TNKS2: variants seen among roughly 807,000 people sequenced by gnomAD.
TNKS2 encodes tankyrase 2, also known as poly [ADP-ribose] polymerase tankyrase-2.
Under a neutral mutation model 137.6 loss-of-function variants are expected in TNKS2, and 72 were observed. The ratio of observed to expected loss-of-function variants is 0.52; its 90% CI spans 0.43 to 0.64. The LOEUF is 0.64. Ranked by LOEUF, TNKS2 falls within the 30% of genes least tolerant of loss-of-function variation. TNKS2 has a pLI of 0.00. For synonymous variants in TNKS2, 516 were observed against 512.1 expected, an observed-to-expected ratio of 1.01 and a Z score of -0.10; for missense variants, 1,049 against 1,410.2, an observed-to-expected ratio of 0.74 and a Z score of 4.10.
intron 1 of TNKS2, among the ~76,000 whole-genome samples, chr10:91,805,350 A>G (rs1844293518): frequency 6.6e-6 from 1 of 152,228 alleles, no homozygotes. Context: ...TGATACAGAC[A>G]TTGACACAGA....
Position 91,820,028 on chromosome 10 carries a change from TA to T in TNKS2, c.726del (p.Gly243ValfsTer17). 1 of 1,578,780 alleles carries T rather than the reference TA, an allele frequency of 6.3e-7. No homozygotes were observed. Among genetic ancestry groups the T allele is most frequent in the Admixed American group, 1.8e-5 (1 of 55,340 alleles). The stretch of plus-strand genomic sequence containing the variant: ...ATGGAGCTGATGTCCATGCTAAAGA[TA>T]AAGGGTAAGCATTTGAACAAAAACA... Reference protein sequence around the residue: ...QHGADVHAKDKGDLVPLHNAC... With the variant: ...QHGADVHAKDXGDLVPLHNAC... On this transcript the variant is annotated frameshift_variant, in exon 6 of 27. Coordinates refer to ENST00000371627, the MANE Select transcript of TNKS2 (RefSeq NM_025235.4). LOFTEE classifies it high-confidence loss of function.
chr10:91,845,081 C>A, intron 17 of TNKS2, 53 bp downstream of exon 17: 3 of 1,110,374 alleles, frequency 2.7e-6, no homozygotes, highest in South Asian at 1.3e-5. Context: ...AAGTGAAAGT[C>A]AGTATTGCAG....
At chr10:91,837,980 T>G (rs1486984549) in intron 13 of TNKS2, among the ~76,000 whole-genome samples, 1 of 149,770 alleles carries the variant, frequency 6.7e-6, no homozygotes, top group Middle Eastern at 3.3e-3. Context: ...GTTAAAAGGT[T>G]GTGAACTGAT....
At chr10:91,819,358 TTC>T in intron 4 of TNKS2, 52 bp downstream of exon 4, 12 of 1,405,736 alleles carry the variant, frequency 8.5e-6, no homozygotes, top group South Asian at 4.5e-5. Context: ...CATTAACTTT[TTC>T]TTTTTTTTTT....
chr10:91,854,918 TA>T lies in TNKS2; in HGVS notation c.2816-100del, dbSNP rs34370527. 5.4e-3 allele frequency: 2,417 copies of T among 450,374 alleles called. 2 individuals are homozygous for T. Among genetic ancestry groups the T allele is most frequent in the Non-Finnish European group, 7.0e-3 (1,813 of 260,522 alleles). The allele number at this position is 450,374 out of a possible 1,614,324, so 27.9% of individuals were successfully genotyped here. On this transcript the variant is annotated intron_variant, in intron 21 of 26. Transcript: ENST00000371627. Reference sequence around the variant, plus strand: ...TGTCTCAAAAAAAAAAAAAAAAGTTTAAAAAAAAAAATTGGTAGTAAGAATC... The same window carrying T: ...TGTCTCAAAAAAAAAAAAAAAAGTTTAAAAAAAAAATTGGTAGTAAGAATC...
chr10:91,807,868 C>T (rs1286145366), intron 1 of TNKS2, among the ~76,000 whole-genome samples: 3 of 151,990 alleles, frequency 2.0e-5, no homozygotes, highest in Non-Finnish European at 2.9e-5. Context: ...TGGTGGCGGG[C>T]ACCTGTAGCC....
At chr10:91,860,340 A>C (rs1481588780) in intron 25 of TNKS2, among the ~76,000 whole-genome samples, 2 of 152,214 alleles carry the variant, frequency 1.3e-5, no homozygotes, top group Non-Finnish European at 2.9e-5. Context: ...TATACAGAGC[A>C]GTAGTTTATC....
At chr10:91,828,876 A>G (rs751548086) in intron 9 of TNKS2, among the ~76,000 whole-genome samples, 3 of 152,176 alleles carry the variant, frequency 2.0e-5, no homozygotes, top group Non-Finnish European at 4.4e-5. Flanking sequence ...TGATAGGGGT[A>G]ATAATAACTG....
At chr10:91,802,048 G>C (rs1333186641) in intron 1 of TNKS2, among the ~76,000 whole-genome samples, 1 of 152,190 alleles carries the variant, frequency 6.6e-6, no homozygotes, top group Non-Finnish European at 1.5e-5. Context: ...AACTCTTGGA[G>C]TAGGGGTAGG....
At position 91,798,824 on chromosome 10, in the gene TNKS2, C is replaced by G; in HGVS notation, c.134C>G (p.Thr45Arg). The G allele has an allele frequency of 1.5e-6, 2 of 1,350,880 alleles. No individual in the cohort carries two copies. Among genetic ancestry groups the G allele is most frequent in the African/African-American group, 3.0e-5 (2 of 66,218 alleles). 83.7% of individuals were successfully genotyped at this position (1,350,880 alleles called of 1,614,324 possible). ...GTGGAACGAGTCAAGAGGCTGGTGA[C>G]GCCTGAGAAGGTGAACAGCCGCGAC... The part of the protein sequence containing the change: ...GDVERVKRLV[T>R]PEKVNSRDTA... The change falls in exon 1 of 27, where the codon ACG becomes AGG. Residue 45 changes from threonine (T) to arginine (R), a missense_variant. By Grantham distance (71) the Thr-to-Arg change is moderately conservative. This residue lies in a region of TNKS2 where 374 missense variants were observed against 460.8 expected (regional missense o/e 0.81). Transcript: ENST00000371627.
intron 1 of TNKS2, among the ~76,000 whole-genome samples, chr10:91,807,802 G>A (rs1401487502): frequency 6.6e-6 from 1 of 152,014 alleles, no homozygotes; most frequent in East Asian, 1.9e-4. Flanking sequence ...AGACCATCCT[G>A]GCTAACATGG....
chr10:91,847,267 C>T (rs937304549), intron 18 of TNKS2, among the ~76,000 whole-genome samples: 6 of 151,998 alleles, frequency 3.9e-5, no homozygotes, highest in African/African-American at 7.2e-5. Context: ...ATTAGTTGAA[C>T]GTTGTGAAAG....
In TNKS2 at chr10:91,819,469, T is replaced by C; in HGVS notation, c.558-13T>C. 6.4e-7 allele frequency: 1 copy of C among 1,567,696 alleles called. No individual in the cohort carries two copies. The highest frequency in any genetic ancestry group is 1.2e-5 in the South Asian group (1 of 81,678). On this transcript the variant is annotated splice_polypyrimidine_tract_variant and intron_variant, in intron 4 of 26. Transcript: ENST00000371627. ...GAAGAATGCAAATTACTAATACTTT[T>C]TTTGTATTCTAGGAGTGGCAATGAA...
chr10:91,844,038 C>T (rs1476787598), intron 16 of TNKS2, among the ~76,000 whole-genome samples: 1 of 152,192 alleles, frequency 6.6e-6, no homozygotes, highest in East Asian at 1.9e-4. Flanking sequence ...CCATGCAAGA[C>T]AAAATATGAC....
intron 11 of TNKS2, among the ~76,000 whole-genome samples, 192 bp from the exon 12 acceptor site, chr10:91,833,660 TC>T (rs1486469060): frequency 1.3e-5 from 2 of 152,212 alleles, no homozygotes; most frequent in African/African-American, 2.4e-5. Flanking sequence ...AATTGAGTCT[TC>T]CTTCTGATGG....
intron 12 of TNKS2, 24 bp from the exon 13 acceptor site, chr10:91,836,895 C>A: frequency 1.2e-6 from 2 of 1,602,662 alleles, no homozygotes; most frequent in Non-Finnish European, 1.7e-6. Context: ...GTTAGTCACT[C>A]TTCTCTCTCT....
At chr10:91,831,310 T>A in intron 11 of TNKS2, 129 bp downstream of exon 11, 1 of 859,250 alleles carries the variant, frequency 1.2e-6, no homozygotes, top group Non-Finnish European at 1.8e-6. Context: ...AATCTATGCT[T>A]AAGAATTGTC....
chr10:91,834,846 A>G lies in TNKS2; in HGVS notation c.1447+822A>G. ...TAACACTGGTCCTATTCAGTTGGCTAGTGATAGAATGTAAAGTCTTGTCAG... is the reference window on the plus strand; with the variant it reads ...TAACACTGGTCCTATTCAGTTGGCTGGTGATAGAATGTAAAGTCTTGTCAG... On this transcript the variant is annotated intron_variant, in intron 12 of 26. Coordinates refer to ENST00000371627, the MANE Select transcript of TNKS2 (RefSeq NM_025235.4). Among the ~76,000 whole-genome samples the G allele has an allele frequency of 1.3e-5, 2 of 152,234 alleles. 1 individual carries two copies. The highest frequency in any genetic ancestry group is 2.9e-5 in the Non-Finnish European group (2 of 68,040).
chr10:91,852,081 A>G (rs1842553309), intron 21 of TNKS2, among the ~76,000 whole-genome samples: 1 of 151,108 alleles, frequency 6.6e-6, no homozygotes, highest in African/African-American at 2.4e-5. Flanking sequence ...ACAAAAAATT[A>G]GCCGGGCGTG....
Sources: allele counts gnomAD v4.1 joint callset (sites outside exome capture counted in the v4.1 genomes callset), GRCh38; gene constraint gnomAD v4.1.1; regional missense constraint gnomAD v4.1.1; transcripts MANE v1.5; gene names NCBI Gene and HGNC (gene_info 2026-07-23, HGNC 2026-07-21).